The following IGBP1 variants were observed in gnomAD, a reference collection of about 807,000 sequenced individuals.
IGBP1 encodes the protein immunoglobulin-binding protein 1.
A neutral mutation model predicts 25.9 loss-of-function variants in IGBP1; 2 were observed. The ratio of observed to expected loss-of-function variants is 0.08; its 90% CI spans 0.03 to 0.24. The LOEUF (loss-of-function observed/expected upper bound fraction) is 0.24, where lower values mean the gene tolerates loss of function less well. Ranked by LOEUF, IGBP1 falls within the 10% of genes least tolerant of loss-of-function variation. The probability of loss-of-function intolerance (pLI) is 1.00; values close to 1 mark genes in which losing one functional copy is unlikely to be tolerated. For missense variants in IGBP1, 187 were observed against 260.4 expected, an observed-to-expected ratio of 0.72 and a Z score of 1.94; for synonymous variants, 96 against 93.4, an observed-to-expected ratio of 1.03 and a Z score of -0.16.
At chrX:70,137,969 C>CAAA (rs151148886) in intron 3 of IGBP1, among the ~76,000 whole-genome samples, 2 of 67,575 alleles carry the variant, frequency 3.0e-5, no homozygotes, top group African/African-American at 5.3e-5. Context: ...GCCATCTCTG[C>CAAA]AAAAAAAAAA....
intron 2 of IGBP1, 38 bp downstream of exon 2, chrX:70,134,173 G>A (rs1401923104): frequency 1.3e-5 from 15 of 1,151,297 alleles, no homozygotes; most frequent in Non-Finnish European, 1.7e-5. Context: ...GAGAACGAAG[G>A]TAATAATGGT....
intron 6 of IGBP1, among the ~76,000 whole-genome samples, chrX:70,161,661 G>A (rs2085271599): frequency 8.9e-6 from 1 of 111,979 alleles, no homozygotes; most frequent in African/African-American, 3.3e-5. Context: ...CCACAGTTGG[G>A]CAAAATCATC....
intron 3 of IGBP1, among the ~76,000 whole-genome samples, chrX:70,141,777 A>AC (rs927976778): frequency 4.5e-5 from 5 of 110,317 alleles, no homozygotes; most frequent in Non-Finnish European, 9.5e-5. Context: ...TCATTTAGCA[A>AC]CCCCCCACCA....
chrX:70,148,569 G>A, intron 4 of IGBP1, 192 bp from the exon 5 acceptor site: 2 of 428,416 alleles, frequency 4.7e-6, no homozygotes, highest in Non-Finnish European at 8.2e-6. Flanking sequence ...TTTTTGCAAG[G>A]TACTCAGGCC....
intron 6 of IGBP1, among the ~76,000 whole-genome samples, chrX:70,154,874 G>A (rs1014311007): frequency 8.2e-5 from 9 of 109,969 alleles, no homozygotes; most frequent in South Asian, 3.9e-4. Context: ...TCCAGCCTGC[G>A]TGATAGAGCA....
chrX:70,139,477 C>T (rs778911596), intron 3 of IGBP1, among the ~76,000 whole-genome samples: 2 of 111,577 alleles, frequency 1.8e-5, no homozygotes, highest in African/African-American at 6.5e-5. Flanking sequence ...CTCCCACATT[C>T]GTATTACTAG....
chrX:70,141,920 G>C (rs750066795), intron 3 of IGBP1, among the ~76,000 whole-genome samples: 60 of 110,698 alleles, frequency 5.4e-4, no homozygotes, highest in African/African-American at 1.7e-3. Flanking sequence ...TAAAAAAAAG[G>C]GGGGGGGCTC....
chrX:70,146,972 CTTTAA>C (rs748703548), intron 4 of IGBP1, 144 bp downstream of exon 4: 61 of 494,595 alleles, frequency 1.2e-4, no homozygotes, highest in South Asian at 5.3e-4. Context: ...GTAGCTTTCT[CTTTAA>C]TTTAATGTGT....
At chrX:70,136,348 C>G (rs921920978) in intron 3 of IGBP1, among the ~76,000 whole-genome samples, 1 of 111,727 alleles carries the variant, frequency 9.0e-6, no homozygotes, top group African/African-American at 3.3e-5. Flanking sequence ...TAAAATAGGC[C>G]TTGTGTTAGA....
At chrX:70,140,372 C>T (rs919618108) in intron 3 of IGBP1, among the ~76,000 whole-genome samples, 4 of 111,869 alleles carry the variant, frequency 3.6e-5, no homozygotes, top group African/African-American at 9.7e-5. Flanking sequence ...TCTGGTTTGG[C>T]AGAAGCTAAG....
chrX:70,165,316 A>G (rs1180673078), intron 6 of IGBP1: 2 of 125,526 alleles, frequency 1.6e-5, no homozygotes, highest in Non-Finnish European at 3.2e-5. Context: ...CTTTTCTGGT[A>G]GGTCCAACTG....
chrX:70,159,012 A>G (rs1359898427), intron 6 of IGBP1, among the ~76,000 whole-genome samples: 2 of 112,180 alleles, frequency 1.8e-5, no homozygotes, highest in African/African-American at 6.5e-5. Flanking sequence ...GACACGCTCA[A>G]AAAAACAGAA....
At chrX:70,143,788 A>G (rs1057052828) in intron 3 of IGBP1, among the ~76,000 whole-genome samples, 6 of 112,236 alleles carry the variant, frequency 5.3e-5, no homozygotes, top group African/African-American at 1.9e-4. Context: ...TTACTTGTTT[A>G]TTAATTATGG....
intron 3 of IGBP1, among the ~76,000 whole-genome samples, chrX:70,139,223 T>A (rs1197269122): frequency 9.2e-6 from 1 of 108,402 alleles, no homozygotes; most frequent in African/African-American, 3.4e-5. Flanking sequence ...GGCAGGAGAA[T>A]TGCTGGAACC....
intron 3 of IGBP1, among the ~76,000 whole-genome samples, chrX:70,141,655 A>G (rs2085130895): frequency 9.0e-6 from 1 of 111,350 alleles, no homozygotes; most frequent in South Asian, 3.8e-4. Flanking sequence ...TTTGGGAGAG[A>G]CAGAGTGGTC....
Position 70,165,895 on chromosome X carries a change from G to A in IGBP1, c.934G>A (p.Glu312Lys). ...EQEEKEEEDD[E>K]QTLHRAREWD... ...AGAAGAAAAGGAGGAAGAGGATGAT[G>A]AACAAACACTCCACAGAGCCCGGGA... is the stretch of plus-strand genomic sequence containing the variant. The change falls in exon 7 of 7, where the codon GAA (glutamate) becomes AAA (lysine). Residue 312 changes from glutamate to lysine, a missense_variant. Transcript: ENST00000356413. 8.3e-7 allele frequency: 1 copy of A among 1,208,758 alleles called. No homozygotes were observed. The highest frequency in any genetic ancestry group is 1.1e-6 in the Non-Finnish European group (1 of 893,143).
At chrX:70,135,210 T>C (rs1296299091) in intron 3 of IGBP1, among the ~76,000 whole-genome samples, 1 of 112,319 alleles carries the variant, frequency 8.9e-6, no homozygotes, top group East Asian at 2.8e-4. Context: ...ATGTGTAACA[T>C]CCTGAACTGA....
chrX:70,133,622 C>T (rs933091437), intron 1 of IGBP1, 82 bp downstream of exon 1: 7 of 404,993 alleles, frequency 1.7e-5, no homozygotes, highest in Non-Finnish European at 2.5e-5. Flanking sequence ...TCGCCTCACC[C>T]GGGCTTCAGA....
At chrX:70,150,552 A>C (rs2085196493) in intron 6 of IGBP1, among the ~76,000 whole-genome samples, 1 of 112,178 alleles carries the variant, frequency 8.9e-6, no homozygotes, top group Non-Finnish European at 1.9e-5. Context: ...TCATGACATA[A>C]AAACAGAGCA....
Sources: gnomAD v4.1 joint callset for allele counts (sites outside exome capture counted in the v4.1 genomes callset) on GRCh38, gnomAD v4.1.1 for gene constraint, MANE v1.5 for transcripts, NCBI Gene and HGNC (gene_info 2026-07-23, HGNC 2026-07-21) for gene names.